Variants in KCNJ3 observed in about 807,000 individuals in gnomAD.
KCNJ3 encodes the protein G protein-activated inward rectifier potassium channel 1.
In KCNJ3, 4 loss-of-function variants were observed where a neutral mutation model predicts 39.2. That is an observed-to-expected ratio of 0.10 (90% CI 0.05 to 0.23). KCNJ3 has a LOEUF of 0.23. Ranked by LOEUF, KCNJ3 falls within the 10% of genes least tolerant of loss-of-function variation. The pLI, the probability that KCNJ3 is intolerant of heterozygous loss-of-function variation, is 1.00. For synonymous variants in KCNJ3, 230 were observed against 237.4 expected (o/e 0.97, Z 0.29); for missense variants, 276 against 634.9 (o/e 0.43, Z 6.08).
At chr2:154,765,055 C>T (rs906158687) in intron 2 of KCNJ3, among the ~76,000 whole-genome samples, 20 of 152,080 alleles carry the variant, frequency 1.3e-4, no homozygotes, top group African/African-American at 2.9e-4. Flanking sequence ...GGTAGTTTGT[C>T]GGGGGGAAAG....
chr2:154,727,416 T>C (rs1243761145), intron 2 of KCNJ3, among the ~76,000 whole-genome samples: 2 of 149,728 alleles, frequency 1.3e-5, no homozygotes, highest in Non-Finnish European at 3.0e-5. Context: ...AGAAACCCCG[T>C]CTCTACTAAA....
intron 1 of KCNJ3, among the ~76,000 whole-genome samples, chr2:154,704,037 TTAGTC>T (rs1156995229): frequency 6.6e-6 from 1 of 152,074 alleles, no homozygotes; most frequent in Non-Finnish European, 1.5e-5. Flanking sequence ...CAGTTCCTAT[TTAGTC>T]TAGTTTTTCT....
At chr2:154,763,908 G>A (rs938040501) in intron 2 of KCNJ3, among the ~76,000 whole-genome samples, 7 of 152,100 alleles carry the variant, frequency 4.6e-5, no homozygotes, top group Admixed American at 6.6e-5. Flanking sequence ...CAAATACTAC[G>A]TCCCTTCTTT....
intron 2 of KCNJ3, among the ~76,000 whole-genome samples, chr2:154,714,668 T>G (rs1685154149): frequency 6.6e-6 from 1 of 152,210 alleles, no homozygotes; most frequent in African/African-American, 2.4e-5. Flanking sequence ...ATATCCTCAT[T>G]CAGAAAATCT....
At position 154,797,640 on chromosome 2, in the gene KCNJ3, A is replaced by G. The variant is rs189127787; in HGVS notation, c.920-57087A>G. The stretch of plus-strand genomic sequence containing the variant: ...GGATATACATATAAACATAATCACT[A>G]TATATAAATATATTCATATAAAATC... On this transcript the variant is annotated intron_variant, in intron 2 of 2. Transcript: ENST00000295101. Among the ~76,000 whole-genome samples the G allele has an allele frequency of 9.2e-5, 14 of 152,150 alleles. No homozygotes were observed. In the East Asian group the frequency reaches 2.7e-3, roughly 29 times the overall value.
At chr2:154,724,557 A>G (rs1685317023) in intron 2 of KCNJ3, among the ~76,000 whole-genome samples, 1 of 151,734 alleles carries the variant, frequency 6.6e-6, no homozygotes, top group Non-Finnish European at 1.5e-5. Flanking sequence ...TGAGCAAGCA[A>G]AAGTGAGAGT....
intron 2 of KCNJ3, among the ~76,000 whole-genome samples, chr2:154,790,514 A>T (rs945551678): frequency 1.3e-5 from 2 of 152,126 alleles, no homozygotes; most frequent in Non-Finnish European, 2.9e-5. Context: ...GTATGTTGAT[A>T]GGATGATAGA....
chr2:154,821,635 A>ATTTTTTTTTTTTTTTTTTTT (rs71422263), intron 2 of KCNJ3, among the ~76,000 whole-genome samples: 1 of 88,072 alleles, frequency 1.1e-5, no homozygotes, highest in Admixed American at 1.7e-4. Flanking sequence ...AGAATATGTG[A>ATTTTTTTTTTTTTTTTTTTT]TTTTTTTTTT....
chr2:154,789,869 C>T (rs1426767101), intron 2 of KCNJ3, among the ~76,000 whole-genome samples: 1 of 151,894 alleles, frequency 6.6e-6, no homozygotes, highest in East Asian at 1.9e-4. Flanking sequence ...TAAGGATTTG[C>T]AACAAAGAGA....
intron 2 of KCNJ3, among the ~76,000 whole-genome samples, chr2:154,733,889 C>A (rs1194651414): frequency 6.6e-6 from 1 of 152,052 alleles, no homozygotes; most frequent in Non-Finnish European, 1.5e-5. Flanking sequence ...TCCTAGGAGA[C>A]CTGACATGTG....
intron 2 of KCNJ3, among the ~76,000 whole-genome samples, chr2:154,771,187 T>C (rs1445095595): frequency 6.6e-6 from 1 of 151,962 alleles, no homozygotes; most frequent in Admixed American, 6.6e-5. Context: ...CTCCGCACCC[T>C]CCCAAGAAGA....
intron 2 of KCNJ3, among the ~76,000 whole-genome samples, chr2:154,810,381 G>A (rs1325803124): frequency 6.6e-6 from 1 of 152,108 alleles, no homozygotes; most frequent in African/African-American, 2.4e-5. Context: ...ACGACACCCA[G>A]CCACTACTGT....
At chr2:154,809,629 A>G (rs1455027888) in intron 2 of KCNJ3, among the ~76,000 whole-genome samples, 1 of 152,140 alleles carries the variant, frequency 6.6e-6, no homozygotes, top group Non-Finnish European at 1.5e-5. Flanking sequence ...CCGGTTTTCT[A>G]TCATAGGCAG....
intron 2 of KCNJ3, among the ~76,000 whole-genome samples, chr2:154,832,065 G>GAATT (rs1230891780): frequency 5.3e-5 from 8 of 152,094 alleles, no homozygotes; most frequent in African/African-American, 1.9e-4. Context: ...GCTGTCTTTA[G>GAATT]AATTAACAGA....
intron 2 of KCNJ3, among the ~76,000 whole-genome samples, chr2:154,808,816 T>C (rs997028823): frequency 1.2e-4 from 19 of 152,204 alleles, no homozygotes; most frequent in Non-Finnish European, 1.6e-4. Flanking sequence ...CTAAAGTGTA[T>C]GGATCAGGAG....
chr2:154,805,199 TG>T (rs1439265871), intron 2 of KCNJ3, among the ~76,000 whole-genome samples: 3 of 152,108 alleles, frequency 2.0e-5, no homozygotes, highest in Non-Finnish European at 2.9e-5. Context: ...GGTTTTTTTC[TG>T]GTACAAATTG....
chr2:154,798,848 T>C (rs1009252139), intron 2 of KCNJ3, among the ~76,000 whole-genome samples: 1 of 152,116 alleles, frequency 6.6e-6, no homozygotes, highest in Non-Finnish European at 1.5e-5. Context: ...TGATAGAAAA[T>C]TAACATTGTT....
intron 2 of KCNJ3, among the ~76,000 whole-genome samples, chr2:154,779,638 G>A (rs1253184610): frequency 2.0e-5 from 3 of 151,144 alleles, no homozygotes; most frequent in African/African-American, 7.3e-5. Context: ...CCACCTCCCG[G>A]GTTCAAGTGA....
At chr2:154,777,462 A>G (rs1293405741) in intron 2 of KCNJ3, among the ~76,000 whole-genome samples, 1 of 152,172 alleles carries the variant, frequency 6.6e-6, no homozygotes, top group Non-Finnish European at 1.5e-5. Flanking sequence ...GTCCTATGAA[A>G]TTTATAACTT....
Sources: gnomAD v4.1 joint callset for allele counts (sites outside exome capture counted in the v4.1 genomes callset) on GRCh38, gnomAD v4.1.1 for gene constraint, MANE v1.5 for transcripts, NCBI Gene and HGNC (gene_info 2026-07-23, HGNC 2026-07-21) for gene names.